Variants in FXYD7 observed in about 807,000 individuals in gnomAD.
FXYD7 encodes FXYD domain containing ion transport regulator 7, also known as FXYD domain-containing ion transport regulator 7.
Under a neutral mutation model 15.3 loss-of-function variants are expected in FXYD7, and 7 were observed. The observed-to-expected ratio is 0.46, with a 90% CI of 0.26 to 0.86. The LOEUF (loss-of-function observed/expected upper bound fraction) is 0.86. FXYD7 is among the 40% of genes least tolerant of loss of function. FXYD7 has a pLI of 0.16. For missense variants in FXYD7, 78 were observed against 100.6 expected (o/e 0.78, Z 0.96); for synonymous variants, 39 against 39.3 (o/e 0.99, Z 0.03).
At chr19:35,147,822 C>T (rs563841451) in intron 1 of FXYD7, among the ~76,000 whole-genome samples, 3 of 151,668 alleles carry the variant, frequency 2.0e-5, no homozygotes, top group South Asian at 2.1e-4. Context: ...GGTGAAATCC[C>T]GTCTGTACTA....
intron 1 of FXYD7, among the ~76,000 whole-genome samples, chr19:35,146,045 T>C (rs964478296): frequency 6.6e-6 from 1 of 152,192 alleles, no homozygotes; most frequent in African/African-American, 2.4e-5. Context: ...CCAAAGTGCT[T>C]AGGATGACAG....
intron 2 of FXYD7, chr19:35,149,371 T>G (rs753918487): frequency 3.7e-4 from 105 of 285,278 alleles, no homozygotes; most frequent in Non-Finnish European, 6.4e-4. Context: ...GCTTCTCCTT[T>G]GTACACGACC....
Position 35,148,710 on chromosome 19 carries a change from C to T in FXYD7, c.48C>T (p.Asp16=). The change falls in exon 2 of 6, where the codon GAC becomes GAT. Residue 16 remains aspartate, a synonymous_variant. Transcript: ENST00000270310. ...QTPTKAPEEP[D]PFYYDYNTVQ... ...TTCCCTCAGCTCCTGAGGAACCTGA[C>T]CCATTTTACTATGGTGAGTGTTGGA... 6.3e-7 allele frequency: 1 copy of T among 1,587,322 alleles called. No individual in the cohort carries two copies. The highest frequency in any genetic ancestry group is 8.6e-7 in the Non-Finnish European group (1 of 1,161,422).
intron 1 of FXYD7, among the ~76,000 whole-genome samples, chr19:35,147,091 A>T (rs1441948874): frequency 2.0e-5 from 3 of 152,216 alleles, no homozygotes; most frequent in African/African-American, 7.2e-5. Flanking sequence ...AGAAAACTAG[A>T]GCAGTCACCA....
intron 2 of FXYD7, chr19:35,149,007 G>A (rs939442705): frequency 6.5e-5 from 38 of 585,710 alleles, no homozygotes; most frequent in Non-Finnish European, 1.0e-4. Context: ...AACCTTAGAA[G>A]CAATGACTCT....
At position 35,153,033 on chromosome 19, in the gene FXYD7, C is replaced by CTTT. The variant is rs954084904; in HGVS notation, c.221-834_221-832dup. Among the ~76,000 whole-genome samples the CTTT allele has an allele frequency of 6.6e-3, 293 of 44,140 alleles. 69 individuals carry two copies. The highest frequency in any genetic ancestry group is 0.013 in the South Asian group (14 of 1,112). The allele number at this position is 44,140 out of a possible 152,430, so 29.0% of individuals were successfully genotyped here. On this transcript the variant is annotated intron_variant, in intron 5 of 5. Transcript: ENST00000270310. The stretch of plus-strand genomic sequence containing the variant: ...TTGGTGTGGAATTTGTTTCACGTTC[C>CTTT]TTTTTTTTTTTTTTTTTTTTTTTTT...
chr19:35,152,134 CAA>C (rs71167517), intron 5 of FXYD7, among the ~76,000 whole-genome samples: 697 of 45,092 alleles, frequency 0.015, 5 homozygotes, highest in African/African-American at 0.055. Context: ...GTGAGACTGT[CAA>C]AAAAAAAAAA....
chr19:35,153,895 C>T lies in FXYD7; in HGVS notation c.222C>T (p.Ala74=). 1.9e-6 allele frequency: 3 copies of T among 1,612,922 alleles called. No homozygotes were observed. The highest frequency in any genetic ancestry group is 2.5e-6 in the Non-Finnish European group (3 of 1,179,294). Reference sequence around the variant, plus strand: ...CTCACGCACCCCCTCTCTCCCCAGCCCCTGGTGGCGGCGGCGTGTAACACC... The same window carrying T: ...CTCACGCACCCCCTCTCTCCCCAGCTCCTGGTGGCGGCGGCGTGTAACACC... ...KSCKSELPSS[A]PGGGGV Residue 74 remains alanine (A), a splice_region_variant and synonymous_variant, in exon 6 of 6, where the codon GCC becomes GCT. Transcript: ENST00000270310.
At position 35,146,282 on chromosome 19, in the gene FXYD7, C is replaced by T. The variant is rs115776836; in HGVS notation, c.32-2412C>T. 5.4e-3 allele frequency among the ~76,000 whole-genome samples: 820 copies of T among 152,168 alleles called. 5 individuals carry two copies. The highest frequency in any genetic ancestry group is 0.018 in the African/African-American group (728 of 41,490). ...CCTCCCAAGTAGCTGGGACTAGCAG[C>T]GGCACACCACCACACCCAGCTAATT... On this transcript the variant is annotated intron_variant, in intron 1 of 5. Coordinates refer to ENST00000270310, the MANE Select transcript of FXYD7 (RefSeq NM_022006.2).
At chr19:35,147,618 A>G (rs984498343) in intron 1 of FXYD7, among the ~76,000 whole-genome samples, 1 of 152,172 alleles carries the variant, frequency 6.6e-6, no homozygotes, top group African/African-American at 2.4e-5. Context: ...AGAGTTCCAA[A>G]CATATTTACA....
At chr19:35,147,645 G>A (rs982313716) in intron 1 of FXYD7, among the ~76,000 whole-genome samples, 2 of 152,046 alleles carry the variant, frequency 1.3e-5, no homozygotes, top group African/African-American at 4.8e-5. Context: ...CACACACACA[G>A]GGAAAACTAT....
At chr19:35,146,787 A>G (rs1158314984) in intron 1 of FXYD7, among the ~76,000 whole-genome samples, 9 of 152,208 alleles carry the variant, frequency 5.9e-5, no homozygotes, top group Non-Finnish European at 1.5e-5. Context: ...CAAGGGTTGG[A>G]AGGTGGTAAA....
chr19:35,148,811 A>G (rs1280134514), intron 2 of FXYD7, 88 bp downstream of exon 2: 2 of 1,178,332 alleles, frequency 1.7e-6, no homozygotes, highest in African/African-American at 1.5e-5. Context: ...AGCTGTGGCC[A>G]CACGATACGT....
At position 35,143,395 on chromosome 19, in the gene FXYD7, G is replaced by C. The variant is rs2145392404; in HGVS notation, c.31+31G>C. ...CGTCGTTTGGGGAGGGGGTTGCAGG[G>C]GGGCTCCGGGATCTGAGAGCCTAGG... On this transcript the variant is annotated intron_variant, in intron 1 of 5. Coordinates refer to ENST00000270310, the MANE Select transcript of FXYD7 (RefSeq NM_022006.2). The surrounding 1 kb of genome is among the most constrained non-coding windows in gnomAD (Gnocchi z 4.3). The C allele has an allele frequency of 3.4e-6, 5 of 1,484,450 alleles. No homozygotes were observed. Among genetic ancestry groups the C allele is most frequent in the Non-Finnish European group, 3.6e-6 (4 of 1,113,012 alleles). The allele number at this position is 1,484,450 out of a possible 1,614,324, so 92.0% of individuals were successfully genotyped here. A position where few individuals can be genotyped will look rare whatever the true frequency, so the allele number is the denominator to read the frequency against.
Position 35,148,698 on chromosome 19 carries a change from T to C in FXYD7, c.36T>C (p.Pro12=). Residue 12 remains proline (P), a synonymous_variant, in exon 2 of 6, where the codon CCT becomes CCC. Transcript: ENST00000270310. ...ATPTQTPTKA[P]EEPDPFYYDY... ...TTCTCTGCTTCTTTCCCTCAGCTCC[T>C]GAGGAACCTGACCCATTTTACTATG... 6.3e-7 allele frequency: 1 copy of C among 1,575,534 alleles called. No individual in the cohort carries two copies.
In FXYD7 at chr19:35,143,359, C is replaced by T; in HGVS notation, c.26C>T (p.Thr9Ile). The T allele has an allele frequency of 2.0e-6, 3 of 1,521,580 alleles. No individual in the cohort carries two copies. Among genetic ancestry groups the T allele is most frequent in the East Asian group, 2.6e-5 (1 of 37,990 alleles). 94.3% of individuals were successfully genotyped at this position (1,521,580 alleles called of 1,614,324 possible). A position where few individuals can be genotyped will look rare whatever the true frequency, so the allele number is the denominator to read the frequency against. Reference sequence around the variant, plus strand: ...ATGGCGACCCCGACCCAGACCCCCACAAAGGGTGAGCGTCGTTTGGGGAGG... The same window carrying T: ...ATGGCGACCCCGACCCAGACCCCCATAAAGGGTGAGCGTCGTTTGGGGAGG... Reference protein sequence around the residue: MATPTQTPTKAPEEPDPFY... With the variant: MATPTQTPIKAPEEPDPFY... Residue 9 changes from threonine (T) to isoleucine (I), a missense_variant, in exon 1 of 6, where the codon ACA becomes ATA. Thr to Ile is a moderately conservative substitution (Grantham distance 89, BLOSUM62 -1). Transcript: ENST00000270310. This position sits in a 1 kb window ranked among gnomAD's most constrained non-coding sequence, Gnocchi z 4.3.
chr19:35,148,592 A>C, intron 1 of FXYD7, 102 bp from the exon 2 acceptor site: 3 of 995,206 alleles, frequency 3.0e-6, no homozygotes, highest in Non-Finnish European at 4.3e-6. Context: ...TTCCACAAAG[A>C]AATGATTAGG....
chr19:35,143,502 C>T lies in FXYD7; in HGVS notation c.31+138C>T. 1 of 666,194 alleles carries T rather than the reference C, an allele frequency of 1.5e-6. No homozygotes were observed. The allele number at this position is 666,194 out of a possible 1,614,324, so 41.3% of individuals were successfully genotyped here. A position where few individuals can be genotyped will look rare whatever the true frequency, so the allele number is the denominator to read the frequency against. ...GTCCGCTCCTCCTGTGGGCGGAAGC[C>T]CCTGTAATGCGCCCCCCCGATCGCC... On this transcript the variant is annotated intron_variant, in intron 1 of 5. Coordinates refer to ENST00000270310, the MANE Select transcript of FXYD7 (RefSeq NM_022006.2). This position sits in a 1 kb window ranked among gnomAD's most constrained non-coding sequence, Gnocchi z 4.3.
intron 1 of FXYD7, among the ~76,000 whole-genome samples, chr19:35,148,299 A>G (rs2065297862): frequency 6.6e-6 from 1 of 152,166 alleles, no homozygotes; most frequent in African/African-American, 2.4e-5. Flanking sequence ...TGAGACATTC[A>G]TTGGTTCACC....
Sources: gnomAD v4.1 joint callset for allele counts (sites outside exome capture counted in the v4.1 genomes callset) on GRCh38, gnomAD v4.1.1 for gene constraint, Gnocchi (gnomAD v3.1) non-coding constraint, MANE v1.5 for transcripts, NCBI Gene and HGNC (gene_info 2026-07-23, HGNC 2026-07-21) for gene names.